PARN: variants seen among roughly 807,000 people sequenced by gnomAD.
PARN encodes the protein poly(A)-specific ribonuclease PARN.
In PARN, 71 loss-of-function variants were observed where a neutral mutation model predicts 102.8. The observed-to-expected ratio is 0.69, with a 90% CI of 0.57 to 0.84. PARN has a LOEUF of 0.84. Ranked by LOEUF, PARN falls within the 40% of genes least tolerant of loss-of-function variation. PARN has a pLI of 0.00. For synonymous variants in PARN, 261 were observed against 252.9 expected, an observed-to-expected ratio of 1.03 and a Z score of -0.30; for missense variants, 782 against 760.9, an observed-to-expected ratio of 1.03 and a Z score of -0.33.
At chr16:14,544,996 G>A (rs1966872051) in intron 21 of PARN, among the ~76,000 whole-genome samples, 1 of 152,156 alleles carries the variant, frequency 6.6e-6, no homozygotes. Context: ...AGGTCAGCCT[G>A]CGTAACATGG....
rs368732421 is a variant in PARN, at chr16:14,487,037, C to T, written c.1481-4210G>A. Among the ~76,000 whole-genome samples, 79 of 152,352 alleles carry T rather than the reference C, an allele frequency of 5.2e-4. 2 individuals carry two copies. Among genetic ancestry groups the T allele is most frequent in the African/African-American group, 1.8e-3 (75 of 41,578 alleles). On this transcript the variant is annotated intron_variant, in intron 21 of 23. Coordinates refer to ENST00000437198, the MANE Select transcript of PARN (RefSeq NM_002582.4). ...CACTGTGCCCAAGAACAGCACGGTCCGGGGTGGTCCAGTCTGATCCCAACC... is the reference window on the plus strand; with the variant it reads ...CACTGTGCCCAAGAACAGCACGGTCTGGGGTGGTCCAGTCTGATCCCAACC...
At chr16:14,490,891 C>T (rs1964024209) in intron 21 of PARN, among the ~76,000 whole-genome samples, 2 of 151,998 alleles carry the variant, frequency 1.3e-5, no homozygotes, top group Non-Finnish European at 2.9e-5. Context: ...TCAGATTTTG[C>T]AAAAGGGCAA....
At chr16:14,627,622 C>A (rs549647794) in intron 3 of PARN, among the ~76,000 whole-genome samples, 2 of 152,240 alleles carry the variant, frequency 1.3e-5, no homozygotes, top group East Asian at 3.9e-4. Flanking sequence ...CAAATTAACA[C>A]TGAAAATGCT....
chr16:14,569,642 C>T (rs1393056796), intron 18 of PARN, among the ~76,000 whole-genome samples: 2 of 152,134 alleles, frequency 1.3e-5, no homozygotes, highest in Non-Finnish European at 2.9e-5. Flanking sequence ...AAGAAAAATG[C>T]TCCAGGTGAT....
At chr16:14,449,987 A>G (rs1961377800) in intron 22 of PARN, among the ~76,000 whole-genome samples, 1 of 152,222 alleles carries the variant, frequency 6.6e-6, no homozygotes, top group East Asian at 1.9e-4. Context: ...ACCTCCTACA[A>G]TGCAAAAATA....
At chr16:14,561,756 C>G (rs569272627) in intron 18 of PARN, among the ~76,000 whole-genome samples, 54 of 152,266 alleles carry the variant, frequency 3.5e-4, no homozygotes, top group African/African-American at 1.3e-3. Flanking sequence ...CTGCAATGAG[C>G]TATAACATGC....
intron 22 of PARN, among the ~76,000 whole-genome samples, chr16:14,480,654 T>C (rs564969178): frequency 7.2e-5 from 11 of 152,232 alleles, no homozygotes; most frequent in South Asian, 2.1e-4. Flanking sequence ...AGTTAAAAGA[T>C]TGACAGTCAG....
intron 22 of PARN, among the ~76,000 whole-genome samples, chr16:14,472,043 C>T (rs150269092): frequency 4.6e-5 from 7 of 152,244 alleles, no homozygotes; most frequent in East Asian, 1.9e-4. Flanking sequence ...AGAAAGCAAC[C>T]GTGTCCTGAC....
chr16:14,482,660 T>C lies in PARN; in HGVS notation c.1648A>G (p.Asn550Asp). The part of the protein sequence containing the change: ...NPQCIPYTLQ[N>D]HYYRNNSFTA... Reference sequence around the variant, plus strand: ...TACCTATTGTTGCGGTAATAGTGATTCTGCAGGGTGTAGGGTATGCACTGG... The same window carrying C: ...TACCTATTGTTGCGGTAATAGTGATCCTGCAGGGTGTAGGGTATGCACTGG... Residue 550 changes from asparagine to aspartate, a missense_variant, in exon 22 of 24, where the codon AAT becomes GAT. Asn to Asp is a conservative substitution (Grantham distance 23). Transcript: ENST00000437198. 6.2e-7 allele frequency: 1 copy of C among 1,607,872 alleles called. No homozygotes were observed. Among genetic ancestry groups the C allele is most frequent in the Non-Finnish European group, 8.5e-7 (1 of 1,177,908 alleles).
At chr16:14,619,438 T>C (rs1489767355) in intron 5 of PARN, among the ~76,000 whole-genome samples, 1 of 150,916 alleles carries the variant, frequency 6.6e-6, no homozygotes, top group Non-Finnish European at 1.5e-5. Flanking sequence ...CCCATTTCAA[T>C]TAAAAATAAT....
At chr16:14,513,596 A>G (rs1472650464) in intron 21 of PARN, among the ~76,000 whole-genome samples, 1 of 152,188 alleles carries the variant, frequency 6.6e-6, no homozygotes. Flanking sequence ...CCTGTCTTCC[A>G]GCTTCCTGCT....
chr16:14,554,211 A>T lies in PARN; in HGVS notation c.1319-60T>A, dbSNP rs1270018363. The T allele has an allele frequency of 3.8e-5, 43 of 1,140,100 alleles. No homozygotes were observed. In the Admixed American group the frequency reaches 8.1e-4, roughly 21 times the overall value. The allele number at this position is 1,140,100 out of a possible 1,614,324, so 70.6% of individuals were successfully genotyped here. A position where few individuals can be genotyped will look rare whatever the true frequency, so the allele number is the denominator to read the frequency against. On this transcript the variant is annotated intron_variant, in intron 19 of 23. Transcript: ENST00000437198. ...TGAAAAGTGATCAAGTAAACCAGTG[A>T]CTCTTTGATGAAACTAAGTCTGAGC...
chr16:14,456,288 A>G lies in PARN; in HGVS notation c.1671-9207T>C, dbSNP rs183334647. Among the ~76,000 whole-genome samples, 16 of 150,714 alleles carry G rather than the reference A, an allele frequency of 1.1e-4. 1 individual carries two copies. The highest frequency in any genetic ancestry group is 9.9e-4 in the Admixed American group (15 of 15,118). On this transcript the variant is annotated intron_variant, in intron 22 of 23. Transcript: ENST00000437198. ...AGGTTCAAGCGATCCTCCTACCTCT[A>G]CCTCCTGAGTAGCTGGGACTACAGG...
chr16:14,535,973 T>C (rs531346157), intron 21 of PARN, among the ~76,000 whole-genome samples: 84 of 152,350 alleles, frequency 5.5e-4, no homozygotes, highest in South Asian at 8.3e-4. Flanking sequence ...CCCTTTGCTG[T>C]GTTCCTTTAC....
chr16:14,470,440 T>TGATGATGATGATGATGATGATG (rs1170896033), intron 22 of PARN, among the ~76,000 whole-genome samples: 1 of 98,774 alleles, frequency 1.0e-5, no homozygotes, highest in African/African-American at 2.9e-5. Flanking sequence ...TTTGGATGAT[T>TGATGATGATGATGATGATGATG]ATTATTATTA....
At position 14,628,229 on chromosome 16, in the gene PARN, G is replaced by A. The variant is rs1312998297; in HGVS notation, c.120C>T (p.Val40=). 1 of 1,603,998 alleles carries A rather than the reference G, an allele frequency of 6.2e-7. No individual in the cohort carries two copies. Among genetic ancestry groups the A allele is most frequent in the South Asian group, 1.1e-5 (1 of 90,576 alleles). The change falls in exon 3 of 24, where the codon GTC becomes GTT. Residue 40 remains valine, a synonymous_variant. Transcript: ENST00000437198. ...TGTCAAAACCATTTGTTAATGCAGA[G>A]ACTGAAGGTCCATCACTGATTCCTA... ...EFSGISDGPS[V]SALTNGFDTP... is the part of the protein sequence containing the mutation.
At chr16:14,525,158 G>A (rs765175876) in intron 21 of PARN, among the ~76,000 whole-genome samples, 3 of 152,116 alleles carry the variant, frequency 2.0e-5, no homozygotes, top group Admixed American at 6.6e-5. Flanking sequence ...AAAAAGATCC[G>A]GATTAAGTTC....
At chr16:14,546,554 T>A (rs1185640605) in intron 21 of PARN, among the ~76,000 whole-genome samples, 2 of 152,250 alleles carry the variant, frequency 1.3e-5, no homozygotes, top group Non-Finnish European at 2.9e-5. Flanking sequence ...ATCTACTGTG[T>A]GTGTTCCAAT....
chr16:14,620,149 G>A (rs551819658), intron 5 of PARN, among the ~76,000 whole-genome samples: 42 of 149,610 alleles, frequency 2.8e-4, no homozygotes, highest in East Asian at 6.0e-4. Flanking sequence ...AGGCCCAGGC[G>A]GGCAGATTAC....
Sources: gnomAD v4.1 joint callset for allele counts (sites outside exome capture counted in the v4.1 genomes callset) on GRCh38, gnomAD v4.1.1 for gene constraint, MANE v1.5 for transcripts, NCBI Gene and HGNC (gene_info 2026-07-23, HGNC 2026-07-21) for gene names.